TOM1: variants seen among roughly 807,000 people sequenced by gnomAD.
TOM1 encodes the protein target of Myb protein 1.
Under a neutral mutation model 61.3 loss-of-function variants are expected in TOM1, and 38 were observed. The observed-to-expected ratio is 0.62, with a 90% CI of 0.48 to 0.81. The LOEUF is 0.81. Ranked by LOEUF, TOM1 falls within the 40% of genes least tolerant of loss-of-function variation. The pLI is 0.00. For synonymous variants in TOM1, 270 were observed against 268.8 expected, an observed-to-expected ratio of 1.00 and a Z score of -0.04; for missense variants, 591 against 659.6, an observed-to-expected ratio of 0.90 and a Z score of 1.14.
At chr22:35,308,696 T>A (rs1291526588) in intron 1 of TOM1, among the ~76,000 whole-genome samples, 9 of 152,162 alleles carry the variant, frequency 5.9e-5, no homozygotes, top group Non-Finnish European at 1.0e-4. Context: ...ACAAATGCCA[T>A]CTGTACCTCA....
rs371791801 is a variant in TOM1, at chr22:35,323,094, G to A, written c.283G>A (p.Val95Met). The change falls in exon 4 of 15, where the codon GTG becomes ATG. Residue 95 changes from valine to methionine, a missense_variant. Physicochemically the swap from Val to Met is conservative, Grantham distance 21 (BLOSUM62 1). Coordinates refer to ENST00000449058, the MANE Select transcript of TOM1 (RefSeq NM_005488.3). The surrounding 1 kb of genome is among the most constrained non-coding windows in gnomAD (Gnocchi z 4.2). ...CGTGCTGGTGGCCAGCCAGGACTTC[G>A]TGGAGAGTGTGCTGGTGAGGACCAT... ...FHVLVASQDFVESVLVRTILP... is the reference protein window; with the variant it reads ...FHVLVASQDFMESVLVRTILP... 3.7e-6 allele frequency: 6 copies of A among 1,614,064 alleles called. No homozygotes were observed. The highest frequency in any genetic ancestry group is 2.2e-5 in the East Asian group (1 of 44,896).
intron 6 of TOM1, among the ~76,000 whole-genome samples, chr22:35,326,536 AG>A (rs1485526432): frequency 6.6e-6 from 1 of 152,266 alleles, no homozygotes; most frequent in Non-Finnish European, 1.5e-5. Flanking sequence ...GGTGGGGTAC[AG>A]GGCAAGGACT....
At chr22:35,311,510 G>A (rs2145623265) in intron 1 of TOM1, among the ~76,000 whole-genome samples, 1 of 152,328 alleles carries the variant, frequency 6.6e-6, no homozygotes, top group East Asian at 1.9e-4. Flanking sequence ...GTTCTGGGAA[G>A]GCAGGGTAGG....
upstream of TOM1, chr22:35,299,808 C>A (rs1011177568): frequency 8.7e-7 from 1 of 1,146,444 alleles, no homozygotes; most frequent in African/African-American, 1.6e-5. Context: ...TCGAGCTTCG[C>A]GGTGCCACCG....
At chr22:35,300,277 G>T (rs190899761) in intron 1 of TOM1, among the ~76,000 whole-genome samples, 3 of 152,386 alleles carry the variant, frequency 2.0e-5, no homozygotes, top group Admixed American at 2.0e-4. Flanking sequence ...AATCGAGGGA[G>T]AAAGTTTTCG....
At chr22:35,311,922 G>A (rs886902097) in intron 1 of TOM1, among the ~76,000 whole-genome samples, 1 of 152,174 alleles carries the variant, frequency 6.6e-6, no homozygotes, top group South Asian at 2.1e-4. Context: ...CCAGAAGGAG[G>A]CACCACTGAG....
intron 11 of TOM1, among the ~76,000 whole-genome samples, chr22:35,337,037 G>A (rs150588657): frequency 1.2e-3 from 181 of 151,438 alleles, no homozygotes; most frequent in African/African-American, 4.0e-3. Context: ...CTGGGTTCAC[G>A]CCATTCTCCT....
chr22:35,336,671 T>A (rs1929366574), intron 11 of TOM1: 1 of 152,330 alleles, frequency 6.6e-6, no homozygotes, highest in Non-Finnish European at 1.5e-5. Context: ...AAGGAGCACT[T>A]AGACAAGTGT....
At chr22:35,309,567 C>T (rs374383947) in intron 1 of TOM1, among the ~76,000 whole-genome samples, 7 of 149,456 alleles carry the variant, frequency 4.7e-5, no homozygotes, top group East Asian at 3.9e-4. Flanking sequence ...TCGCTTGAAC[C>T]GGTGAGGCGG....
intron 1 of TOM1, among the ~76,000 whole-genome samples, chr22:35,308,194 T>G (rs1254201157): frequency 1.3e-5 from 2 of 152,074 alleles, no homozygotes; most frequent in Non-Finnish European, 2.9e-5. Context: ...AGCCAATTCC[T>G]TAAGCGCTCG....
chr22:35,328,318 G>A (rs1195626911), intron 7 of TOM1, among the ~76,000 whole-genome samples: 1 of 152,200 alleles, frequency 6.6e-6, no homozygotes, highest in Admixed American at 6.5e-5. Flanking sequence ...CATGAGATGT[G>A]AGCAGTCTGG....
Position 35,347,178 on chromosome 22 carries a change from A to G in TOM1, c.1448A>G (p.Glu483Gly). The change falls in exon 15 of 15, where the codon GAG becomes GGG. Residue 483 changes from glutamate (E) to glycine (G), a missense_variant. By Grantham distance (98) the Glu-to-Gly change is moderately conservative (BLOSUM62 -2). Coordinates refer to ENST00000449058, the MANE Select transcript of TOM1 (RefSeq NM_005488.3). Reference sequence around the variant, plus strand: ...CCAGCGCCCCGGAAGAAGACCCAGGAGAAAGATGATGACATGCTGTTTGCC... The same window carrying G: ...CCAGCGCCCCGGAAGAAGACCCAGGGGAAAGATGATGACATGCTGTTTGCC... Reference protein sequence around the residue: ...SGPAPRKKTQEKDDDMLFAL With the variant: ...SGPAPRKKTQGKDDDMLFAL 2 of 1,612,534 alleles carry G rather than the reference A, an allele frequency of 1.2e-6. No homozygotes were observed. Among genetic ancestry groups the G allele is most frequent in the Non-Finnish European group, 1.7e-6 (2 of 1,179,344 alleles).
intron 6 of TOM1, among the ~76,000 whole-genome samples, chr22:35,326,041 T>G (rs1462866721): frequency 6.6e-6 from 1 of 152,226 alleles, no homozygotes; most frequent in African/African-American, 2.4e-5. Context: ...GATATACTAC[T>G]AGTCTCTACA....
chr22:35,327,537 G>C (rs564102813), intron 7 of TOM1, 150 bp downstream of exon 7: 133 of 620,718 alleles, frequency 2.1e-4, no homozygotes, highest in African/African-American at 2.1e-3. Flanking sequence ...GACTTTGGAC[G>C]CCATCAGATT....
intron 12 of TOM1, among the ~76,000 whole-genome samples, chr22:35,342,240 G>C (rs1351842633): frequency 1.3e-5 from 2 of 152,118 alleles, no homozygotes. Context: ...AGGTGGTATT[G>C]CATGCTGTGT....
chr22:35,303,465 C>T (rs1270073583), intron 1 of TOM1, among the ~76,000 whole-genome samples: 2 of 151,228 alleles, frequency 1.3e-5, no homozygotes, highest in Admixed American at 6.6e-5. Flanking sequence ...GAAACATTAG[C>T]TCTTCCTGTC....
Position 35,323,008 on chromosome 22 carries a change from G to A in TOM1, c.217-20G>A, listed in dbSNP as rs756755433. On this transcript the variant is annotated intron_variant, in intron 3 of 14. Transcript: ENST00000449058. This position sits in a 1 kb window ranked among gnomAD's most constrained non-coding sequence, Gnocchi z 4.2. ...CTCTCCTCTGACCAAGGTGCTCGAC[G>A]GCACCTCTCGGCCCTCCAGGTCTTA... 9.3e-6 allele frequency: 15 copies of A among 1,612,882 alleles called. No homozygotes were observed. The African/African-American group carries it at 9.3e-5, about 10-fold the overall frequency.
At position 35,299,907 on chromosome 22, in the gene TOM1, G is replaced by T. The variant is rs754322284; in HGVS notation, c.-22G>T. On this transcript the variant is annotated 5_prime_UTR_variant, in exon 1 of 15. Transcript: ENST00000449058. ...TTGCTGTCAGCTGATTCCCGGGGTT[G>T]GTGGCAGCGGCGGTAGCAGCAATGG... The T allele has an allele frequency of 2.5e-6, 4 of 1,576,924 alleles. No homozygotes were observed. Among genetic ancestry groups the T allele is most frequent in the Admixed American group, 1.8e-5 (1 of 55,086 alleles).
chr22:35,311,105 G>C (rs1189442982), intron 1 of TOM1: 1 of 152,494 alleles, frequency 6.6e-6, no homozygotes, highest in Non-Finnish European at 1.5e-5. Context: ...TGATGGGGTG[G>C]CTGCGGGCGA....
Sources: allele counts gnomAD v4.1 joint callset (sites outside exome capture counted in the v4.1 genomes callset), GRCh38; gene constraint gnomAD v4.1.1; non-coding constraint Gnocchi (gnomAD v3.1); transcripts MANE v1.5; gene names NCBI Gene and HGNC (gene_info 2026-07-23, HGNC 2026-07-21).